Variants in WBP1L observed in about 807,000 individuals in gnomAD.
The protein encoded by WBP1L is WW domain binding protein 1-like.
In WBP1L, 17 loss-of-function variants were observed where a neutral mutation model predicts 33.7. That is an observed-to-expected ratio of 0.50 (90% CI 0.34 to 0.76). The LOEUF is 0.76. WBP1L is among the 30% of genes least tolerant of loss of function. WBP1L has a pLI of 0.01. For missense variants in WBP1L, 389 were observed against 469.4 expected (o/e 0.83, Z 1.58); for synonymous variants, 173 against 190.8 (o/e 0.91, Z 0.77).
At chr10:102,812,560 T>G (rs762056913) in intron 3 of WBP1L, 35 bp from the exon 4 acceptor site, 6 of 1,543,666 alleles carry the variant, frequency 3.9e-6, no homozygotes, top group Admixed American at 1.9e-5. Context: ...CAATGACCAG[T>G]GCAGTAATTT....
At chr10:102,775,906 T>C (rs1337430759) in intron 1 of WBP1L, among the ~76,000 whole-genome samples, 3 of 152,078 alleles carry the variant, frequency 2.0e-5, no homozygotes, top group Non-Finnish European at 4.4e-5. Flanking sequence ...GTTTTCAGCT[T>C]TAGAGACTTG....
chr10:102,756,453 C>G (rs1842977626), intron 1 of WBP1L, among the ~76,000 whole-genome samples: 1 of 152,030 alleles, frequency 6.6e-6, no homozygotes, highest in South Asian at 2.1e-4. Context: ...TGTAGCATTT[C>G]ACAAGATGCA....
At chr10:102,761,633 T>A (rs990525824) in intron 1 of WBP1L, among the ~76,000 whole-genome samples, 2 of 152,116 alleles carry the variant, frequency 1.3e-5, no homozygotes, top group African/African-American at 4.8e-5. Context: ...ATTTTTTGTA[T>A]TTTTAGTGGA....
chr10:102,763,558 A>T (rs1043380763), intron 1 of WBP1L, among the ~76,000 whole-genome samples: 5 of 152,094 alleles, frequency 3.3e-5, no homozygotes, highest in African/African-American at 1.2e-4. Flanking sequence ...AATGCAAGAG[A>T]CCTGGAACAA....
chr10:102,796,368 C>G (rs144708314), intron 1 of WBP1L, among the ~76,000 whole-genome samples: 2 of 152,160 alleles, frequency 1.3e-5, no homozygotes, highest in South Asian at 4.1e-4. Context: ...TGCACTAAGC[C>G]GGGGAACTGG....
chr10:102,751,653 A>C (rs1260158222), intron 1 of WBP1L, among the ~76,000 whole-genome samples: 1 of 152,212 alleles, frequency 6.6e-6, no homozygotes, highest in African/African-American at 2.4e-5. Flanking sequence ...AGCTGTATGT[A>C]GATAGTGACT....
chr10:102,747,884 T>C (rs1401929269), intron 1 of WBP1L, among the ~76,000 whole-genome samples: 1 of 152,158 alleles, frequency 6.6e-6, no homozygotes, highest in Admixed American at 6.5e-5. Flanking sequence ...AATGTCTTTT[T>C]TTAATAGGGT....
At chr10:102,756,896 CTGTATCTTTGAG>C (rs1842983916) in intron 1 of WBP1L, among the ~76,000 whole-genome samples, 1 of 150,290 alleles carries the variant, frequency 6.7e-6, no homozygotes, top group African/African-American at 2.5e-5. Context: ...GAGCGAGTCT[CTGTATCTTTGAG>C]ACAGAGTCTC....
intron 2 of WBP1L, among the ~76,000 whole-genome samples, chr10:102,799,785 G>C (rs1231263001): frequency 6.6e-6 from 1 of 152,046 alleles, no homozygotes; most frequent in East Asian, 1.9e-4. Flanking sequence ...CAGTGATATG[G>C]CAAGAAAGCA....
At chr10:102,776,147 C>A (rs2134041900) in intron 1 of WBP1L, 1 of 1,396,434 alleles carries the variant, frequency 7.2e-7, no homozygotes, top group Non-Finnish European at 9.3e-7. Flanking sequence ...GGCTTTGCTG[C>A]GTCTGAGATA....
chr10:102,756,416 G>A (rs1334492945), intron 1 of WBP1L, among the ~76,000 whole-genome samples: 1 of 151,968 alleles, frequency 6.6e-6, no homozygotes, highest in African/African-American at 2.4e-5. Flanking sequence ...TCTCAGGGGG[G>A]TGGTGGGGGG....
intron 1 of WBP1L, among the ~76,000 whole-genome samples, chr10:102,770,588 C>T (rs1309445645): frequency 6.6e-6 from 1 of 152,202 alleles, no homozygotes; most frequent in Non-Finnish European, 1.5e-5. Flanking sequence ...CTAGGAAGGT[C>T]TCCAGCCTAT....
intron 1 of WBP1L, among the ~76,000 whole-genome samples, chr10:102,757,887 C>CTTTTTTTTTTTTTTTT (rs1188286707): frequency 3.9e-5 from 1 of 25,366 alleles, no homozygotes; most frequent in Non-Finnish European, 6.7e-5. Context: ...CCCCCCCCCC[C>CTTTTTTTTTTTTTTTT]TTTTTTTTTT....
chr10:102,787,323 C>G (rs902937475), intron 1 of WBP1L, among the ~76,000 whole-genome samples: 1 of 152,196 alleles, frequency 6.6e-6, no homozygotes. Flanking sequence ...CACAGTGGCT[C>G]CCGACTGAAA....
chr10:102,812,974 A>G lies in WBP1L; in HGVS notation c.735A>G (p.Lys245=). 6.2e-7 allele frequency: 1 copy of G among 1,610,976 alleles called. No homozygotes were observed. The highest frequency in any genetic ancestry group is 8.5e-7 in the Non-Finnish European group (1 of 1,177,870). ...KDAECREELL[K]DDSSEHGAPD... The stretch of plus-strand genomic sequence containing the variant: ...CAGAATGTAGGGAGGAGCTGCTGAA[A>G]GATGACAGCTCTGAACACGGCGCAC... Residue 245 remains lysine, a synonymous_variant, in exon 4 of 4, where the codon AAA becomes AAG. Transcript: ENST00000448841.
chr10:102,762,053 A>G (rs1843048491), intron 1 of WBP1L, among the ~76,000 whole-genome samples: 1 of 151,952 alleles, frequency 6.6e-6, no homozygotes, highest in Non-Finnish European at 1.5e-5. Context: ...GAGTCTCCCT[A>G]TGTTGCTTAC....
chr10:102,795,865 G>A (rs1843566445), intron 1 of WBP1L, among the ~76,000 whole-genome samples: 1 of 152,186 alleles, frequency 6.6e-6, no homozygotes, highest in Non-Finnish European at 1.5e-5. Flanking sequence ...TCTGGCCAAA[G>A]TAGCAAGCAT....
intron 1 of WBP1L, among the ~76,000 whole-genome samples, chr10:102,794,014 G>C (rs1383270627): frequency 6.6e-6 from 1 of 152,048 alleles, no homozygotes; most frequent in African/African-American, 2.4e-5. Flanking sequence ...CCAGTAATCT[G>C]CCCACCTTGG....
intron 2 of WBP1L, 133 bp from the exon 3 acceptor site, chr10:102,809,760 A>T: frequency 1.0e-6 from 1 of 984,378 alleles, no homozygotes; most frequent in Non-Finnish European, 1.5e-6. Context: ...TTCAATGTAA[A>T]TTAACTGGGT....
Sources: gnomAD v4.1 joint callset for allele counts (sites outside exome capture counted in the v4.1 genomes callset) on GRCh38, gnomAD v4.1.1 for gene constraint, MANE v1.5 for transcripts, NCBI Gene and HGNC (gene_info 2026-07-23, HGNC 2026-07-21) for gene names.